DESI2: variants seen among roughly 807,000 people sequenced by gnomAD.
DESI2 encodes the protein desumoylating isopeptidase 2, also known as deubiquitinase DESI2.
In DESI2, 10 loss-of-function variants were observed where a neutral mutation model predicts 24.1. The observed-to-expected ratio is 0.41, with a 90% confidence interval of 0.26 to 0.70. The LOEUF is 0.70. DESI2 is among the 30% of genes least tolerant of loss of function. DESI2 has a pLI of 0.29. For missense variants in DESI2, 122 were observed against 234.9 expected (o/e 0.52, Z 3.14); for synonymous variants, 71 against 87.7 (o/e 0.81, Z 1.06).
At chr1:244,672,229 C>G (rs528642536) in intron 1 of DESI2, among the ~76,000 whole-genome samples, 2 of 152,196 alleles carry the variant, frequency 1.3e-5, no homozygotes, top group East Asian at 1.9e-4. Context: ...GGGGGCAGAT[C>G]GCTCATGAAT....
At position 244,708,480 on chromosome 1, in the gene DESI2, A is replaced by G. The variant is rs1170758880; in HGVS notation, c.*2691A>G. Reference sequence around the variant, plus strand: ...AGTTACCCATCACCAGCATTTGTACAGAGCAGGGAATTCTGGTTTTAGTCC... The same window carrying G: ...AGTTACCCATCACCAGCATTTGTACGGAGCAGGGAATTCTGGTTTTAGTCC... On this transcript the variant is annotated 3_prime_UTR_variant, in exon 5 of 5. Coordinates refer to ENST00000302550, the MANE Select transcript of DESI2 (RefSeq NM_016076.5). 2.0e-5 allele frequency: 3 copies of G among 152,618 alleles called. No homozygotes were observed. The highest frequency in any genetic ancestry group is 4.4e-5 in the Non-Finnish European group (3 of 68,042). 9.5% of individuals were successfully genotyped at this position (152,618 alleles called of 1,614,324 possible). A position where few individuals can be genotyped will look rare whatever the true frequency, so the allele number is the denominator to read the frequency against.
At chr1:244,692,087 C>A in intron 4 of DESI2, 67 bp downstream of exon 4, 1 of 1,311,354 alleles carries the variant, frequency 7.6e-7, no homozygotes, top group Non-Finnish European at 1.1e-6. Context: ...CTTGATATCC[C>A]ACTATATTCG....
intron 1 of DESI2, among the ~76,000 whole-genome samples, chr1:244,672,169 T>TA (rs1248271710): frequency 6.6e-6 from 1 of 151,918 alleles, no homozygotes; most frequent in Non-Finnish European, 1.5e-5. Context: ...CTCCATCTCT[T>TA]AAAAAAAGAA....
intron 1 of DESI2, among the ~76,000 whole-genome samples, chr1:244,675,455 A>G (rs1431485929): frequency 1.3e-5 from 2 of 152,198 alleles, no homozygotes; most frequent in African/African-American, 4.8e-5. Context: ...TAATTTTTAT[A>G]TATGGCATGA....
At chr1:244,683,375 G>GCA (rs1328635871) in intron 1 of DESI2, among the ~76,000 whole-genome samples, 34 of 152,058 alleles carry the variant, frequency 2.2e-4, no homozygotes, top group Admixed American at 1.4e-3. Context: ...GCAGTGGCGT[G>GCA]ATCTCGGCTC....
In DESI2 at chr1:244,689,113, A is replaced by G; in HGVS notation, c.116-136A>G. The G allele has an allele frequency of 3.1e-6, 2 of 639,386 alleles. No individual in the cohort carries two copies. The highest frequency in any genetic ancestry group is 4.0e-5 in the South Asian group (2 of 49,774). 39.6% of individuals were successfully genotyped at this position (639,386 alleles called of 1,614,324 possible). A position where few individuals can be genotyped will look rare whatever the true frequency, so the allele number is the denominator to read the frequency against. ...TTTATACGAGTAATAGCTAAGTGAG[A>G]TATTTGTGAAAGCATTTTATAAACT... is the stretch of plus-strand genomic sequence containing the variant. On this transcript the variant is annotated intron_variant, in intron 2 of 4. Coordinates refer to ENST00000302550, the MANE Select transcript of DESI2 (RefSeq NM_016076.5). The surrounding 1 kb of genome is among the most constrained non-coding windows in gnomAD (Gnocchi z 4.0).
At chr1:244,666,197 AG>A (rs1006232378) in intron 1 of DESI2, among the ~76,000 whole-genome samples, 14 of 152,136 alleles carry the variant, frequency 9.2e-5, no homozygotes, top group Admixed American at 4.6e-4. Flanking sequence ...TGAAGAGAAA[AG>A]AAAAGGCAGT....
chr1:244,686,749 C>G, intron 2 of DESI2, 80 bp downstream of exon 2: 1 of 854,496 alleles, frequency 1.2e-6, no homozygotes, highest in Non-Finnish European at 1.9e-6. Context: ...CTATAGGTCT[C>G]TCTTTTTTTA....
chr1:244,657,348 A>C (rs1675683055), intron 1 of DESI2, among the ~76,000 whole-genome samples: 1 of 152,140 alleles, frequency 6.6e-6, no homozygotes, highest in Non-Finnish European at 1.5e-5. Context: ...TCAAATCAAC[A>C]TGTCCAGGAA....
chr1:244,653,592 C>G (rs1054015652), intron 1 of DESI2: 10 of 525,840 alleles, frequency 1.9e-5, no homozygotes, highest in Non-Finnish European at 3.0e-5. Context: ...TGGGCTTGAA[C>G]CTCTCCCATC....
rs1019985748 is a variant in DESI2 at position 244,693,580 on chromosome 1, C to T, written c.351+1560C>T. ...CCGAGTAGCTGGGACTATAGGCACC[C>T]GCCACCACGCCTGGCTAATTTCGTA... On this transcript the variant is annotated intron_variant, in intron 4 of 4. Transcript: ENST00000302550. Among the ~76,000 whole-genome samples, 12 of 152,060 alleles carry T rather than the reference C, an allele frequency of 7.9e-5. 1 individual carries two copies. The highest frequency in any genetic ancestry group is 7.7e-4 in the East Asian group (4 of 5,184).
rs1281695426 is a variant in DESI2 at position 244,706,865 on chromosome 1, T to G, written c.*1076T>G. 1 of 152,670 alleles carries G rather than the reference T, an allele frequency of 6.6e-6. No homozygotes were observed. Among genetic ancestry groups the G allele is most frequent in the Non-Finnish European group, 1.5e-5 (1 of 68,040 alleles). The allele number at this position is 152,670 out of a possible 1,614,324, so 9.5% of individuals were successfully genotyped here. A position where few individuals can be genotyped will look rare whatever the true frequency, so the allele number is the denominator to read the frequency against. ...CACATAATAGAATGCCTAGTCTCAT[T>G]GACCAATCGTTAAAAAATCATATTT... On this transcript the variant is annotated 3_prime_UTR_variant, in exon 5 of 5. Coordinates refer to ENST00000302550, the MANE Select transcript of DESI2 (RefSeq NM_016076.5).
Position 244,677,735 on chromosome 1 carries a change from C to T in DESI2, c.43-8862C>T, listed in dbSNP as rs138448621. Among the ~76,000 whole-genome samples, 375 of 152,028 alleles carry T rather than the reference C, an allele frequency of 2.5e-3. 1 individual carries two copies. The highest frequency in any genetic ancestry group is 8.2e-3 in the African/African-American group (340 of 41,482). On this transcript the variant is annotated intron_variant, in intron 1 of 4. Transcript: ENST00000302550. ...TTCAAGACAAGCTTGGGCAACATAG[C>T]GAGACCCTGCATCCACAAAAATAAA...
intron 1 of DESI2, among the ~76,000 whole-genome samples, chr1:244,664,289 G>C (rs931465445): frequency 1.3e-5 from 2 of 152,166 alleles, no homozygotes; most frequent in Non-Finnish European, 2.9e-5. Flanking sequence ...GACGTGTGTT[G>C]TAAATATACT....
At chr1:244,656,787 T>C (rs188959743) in intron 1 of DESI2, among the ~76,000 whole-genome samples, 2 of 152,350 alleles carry the variant, frequency 1.3e-5, no homozygotes, top group Non-Finnish European at 2.9e-5. Flanking sequence ...ATTTATTTAT[T>C]TTATTTATTT....
intron 1 of DESI2, among the ~76,000 whole-genome samples, chr1:244,664,752 T>C (rs572985865): frequency 1.3e-5 from 2 of 152,368 alleles, no homozygotes; most frequent in South Asian, 4.1e-4. Flanking sequence ...AGTAAATAAA[T>C]TAAAATCCCC....
intron 1 of DESI2, among the ~76,000 whole-genome samples, chr1:244,655,801 G>T (rs1458355817): frequency 2.0e-5 from 3 of 152,210 alleles, no homozygotes; most frequent in Non-Finnish European, 1.5e-5. Flanking sequence ...ACTATCAGCT[G>T]GTCCAGTATA....
intron 1 of DESI2, among the ~76,000 whole-genome samples, chr1:244,674,464 G>T (rs1676349383): frequency 6.6e-6 from 1 of 151,794 alleles, no homozygotes; most frequent in Admixed American, 6.6e-5. Flanking sequence ...GTCAATTTTA[G>T]GATATTTTCA....
intron 2 of DESI2, among the ~76,000 whole-genome samples, chr1:244,687,182 A>G (rs1676854922): frequency 6.6e-6 from 1 of 152,204 alleles, no homozygotes; most frequent in Admixed American, 6.5e-5. Flanking sequence ...AACATTGCTG[A>G]GCAAATCCTG....
Sources: gnomAD v4.1 joint callset for allele counts (sites outside exome capture counted in the v4.1 genomes callset) on GRCh38, gnomAD v4.1.1 for gene constraint, Gnocchi (gnomAD v3.1) non-coding constraint, MANE v1.5 for transcripts, NCBI Gene and HGNC (gene_info 2026-07-23, HGNC 2026-07-21) for gene names.